The following SSC4D variants were observed in gnomAD, a reference collection of about 807,000 sequenced individuals.
SSC4D encodes scavenger receptor cysteine rich family member with 4 domains.
SSC4D carries 57 observed loss-of-function variants against 63.4 expected under a neutral mutation model. The observed-to-expected ratio is 0.90, with a 90% CI of 0.73 to 1.12. The LOEUF (loss-of-function observed/expected upper bound fraction) is 1.12. SSC4D is among the 50% of genes most tolerant of loss of function. SSC4D has a pLI of 0.00. For synonymous variants in SSC4D, 352 were observed against 345.4 expected (o/e 1.02, Z -0.21); for missense variants, 791 against 806.4 (o/e 0.98, Z 0.23).
chr7:76,405,881 T>C (rs1805008836), intron 1 of SSC4D, among the ~76,000 whole-genome samples: 1 of 152,208 alleles, frequency 6.6e-6, no homozygotes, highest in Non-Finnish European at 1.5e-5. Context: ...TTGTTTTCTT[T>C]CTTTCCTTCC....
intron 4 of SSC4D, 123 bp from the exon 5 acceptor site, chr7:76,398,920 A>G: frequency 1.1e-6 from 1 of 945,986 alleles, no homozygotes; most frequent in Non-Finnish European, 1.6e-6. Context: ...GGCCACACAA[A>G]GAGTCACAGC....
At chr7:76,393,745 G>GGGGCT in intron 8 of SSC4D, 29 bp from the exon 9 acceptor site, 2 of 1,408,560 alleles carry the variant, frequency 1.4e-6, no homozygotes, top group Non-Finnish European at 1.8e-6. Context: ...CGCGGCCAGA[G>GGGGCT]GGGCTGGGCT....
In SSC4D at chr7:76,391,920, A is replaced by C. The variant is rs1422740032; in HGVS notation, c.1411+44T>G. The C allele has an allele frequency of 3.9e-6, 6 of 1,551,478 alleles. No individual in the cohort carries two copies. The African/African-American group carries it at 4.1e-5, about 11-fold the overall frequency. ...ACCTCCCCCAATCCAGGTCCTTAAG[A>C]CCCCGATGCCTCCACCCACTTTCAG... On this transcript the variant is annotated intron_variant, in intron 10 of 10. Transcript: ENST00000275560.
chr7:76,391,650 C>T (rs970258180), intron 10 of SSC4D, among the ~76,000 whole-genome samples: 13 of 152,112 alleles, frequency 8.5e-5, no homozygotes, highest in Admixed American at 1.3e-4. Context: ...AAGGTCATCA[C>T]GGTCTCCTGC....
chr7:76,393,114 G>C (rs1025640975), intron 9 of SSC4D, among the ~76,000 whole-genome samples: 2 of 152,170 alleles, frequency 1.3e-5, no homozygotes, highest in Non-Finnish European at 2.9e-5. Flanking sequence ...TGCCTTTCTC[G>C]AACTGGGATC....
chr7:76,404,190 T>C (rs984123723), intron 2 of SSC4D, 117 bp downstream of exon 2: 109 of 1,380,596 alleles, frequency 7.9e-5, no homozygotes, highest in Non-Finnish European at 1.0e-4. Context: ...AAGGTCAGCA[T>C]TGGAAAGAAC....
intron 10 of SSC4D, among the ~76,000 whole-genome samples, chr7:76,391,757 C>T (rs2115735882): frequency 6.6e-6 from 1 of 152,260 alleles, no homozygotes; most frequent in South Asian, 2.1e-4. Flanking sequence ...CTCTAGAAAT[C>T]TCCAGATTGC....
chr7:76,398,762 A>T lies in SSC4D; in HGVS notation c.511T>A (p.Leu171Ile). The T allele has an allele frequency of 6.2e-7, 1 of 1,613,470 alleles. No homozygotes were observed. The highest frequency in any genetic ancestry group is 1.7e-5 in the Admixed American group (1 of 59,992). The change falls in exon 5 of 11, where the codon TTA (leucine) becomes ATA (isoleucine). Residue 171 changes from leucine to isoleucine, a missense_variant. By Grantham distance (5) the Leu-to-Ile change is conservative (BLOSUM62 2). Transcript: ENST00000275560. ...LPTQPPTRKM[L>I]TSRAPPTTLP... ...GTCGTAGGAGGTGCTCTACTGGTTA[A>T]CATCTTCCTTGTTGGGGGCTGCGTT... is the stretch of plus-strand genomic sequence containing the variant.
chr7:76,403,673 T>C (rs1446582113), intron 2 of SSC4D, among the ~76,000 whole-genome samples: 1 of 150,142 alleles, frequency 6.7e-6, no homozygotes, highest in Non-Finnish European at 1.5e-5. Context: ...TATCTTTATT[T>C]CTTTTTGAGA....
chr7:76,408,866 G>A (rs564653621), intron 1 of SSC4D, among the ~76,000 whole-genome samples: 4 of 152,276 alleles, frequency 2.6e-5, no homozygotes, highest in Admixed American at 2.0e-4. Flanking sequence ...ATTTTCTACA[G>A]TACAGCCGGC....
intron 1 of SSC4D, among the ~76,000 whole-genome samples, chr7:76,407,599 G>T (rs1362250729): frequency 6.6e-6 from 1 of 152,132 alleles, no homozygotes; most frequent in Non-Finnish European, 1.5e-5. Flanking sequence ...TGGGCATGGT[G>T]GTGCATGCCT....
chr7:76,398,633 G>A (rs1804717248), intron 5 of SSC4D, 87 bp downstream of exon 5: 1 of 1,409,466 alleles, frequency 7.1e-7, no homozygotes, highest in South Asian at 1.2e-5. Context: ...TCTTCAATTT[G>A]TAATCCCTGT....
rs938177086 is a variant in SSC4D, at chr7:76,400,573, C to G, written c.188G>C (p.Gly63Ala). ...LPFQELRLVG[G>A]PSRCRGRLEV... ...CAGGCGGCCCCGGCAGCGGCTGGGGCCCCCCACCAGCCTCAGCTCTGTGAA... is the reference window on the plus strand; with the variant it reads ...CAGGCGGCCCCGGCAGCGGCTGGGGGCCCCCACCAGCCTCAGCTCTGTGAA... Residue 63 changes from glycine to alanine, a missense_variant, in exon 4 of 11, where the codon GGC becomes GCC. Gly to Ala is a moderately conservative substitution (Grantham distance 60, BLOSUM62 0). Coordinates refer to ENST00000275560, the MANE Select transcript of SSC4D (RefSeq NM_080744.2). 2.0e-6 allele frequency: 3 copies of G among 1,480,766 alleles called. No homozygotes were observed. Among genetic ancestry groups the G allele is most frequent in the Admixed American group, 4.8e-5 (2 of 41,658 alleles). 91.7% of individuals were successfully genotyped at this position (1,480,766 alleles called of 1,614,324 possible). A position where few individuals can be genotyped will look rare whatever the true frequency, so the allele number is the denominator to read the frequency against.
intron 1 of SSC4D, among the ~76,000 whole-genome samples, chr7:76,408,809 G>A (rs900295835): frequency 7.2e-5 from 11 of 152,112 alleles, no homozygotes; most frequent in Non-Finnish European, 2.9e-5. Context: ...GCTCTTGAAA[G>A]CCCTCCCATC....
chr7:76,390,075 AGGACACT>A lies in SSC4D; in HGVS notation c.1705_1711del (p.Ser569CysfsTer20). ...CGGGCTGGGTCATGAAGGCTGGCACAGGACACTGGCATCCTCGCTGTGGTCACAGTTG... is the reference window on the plus strand; with the variant it reads ...CGGGCTGGGTCATGAAGGCTGGCACAGGCATCCTCGCTGTGGTCACAGTTG... On this transcript the variant is annotated frameshift_variant, in exon 11 of 11. Coordinates refer to ENST00000275560, the MANE Select transcript of SSC4D (RefSeq NM_080744.2). LOFTEE classifies it high-confidence loss of function. 1 of 1,614,248 alleles carries A rather than the reference AGGACACT, an allele frequency of 6.2e-7. No homozygotes were observed. Among genetic ancestry groups the A allele is most frequent in the Non-Finnish European group, 8.5e-7 (1 of 1,180,044 alleles).
At position 76,395,340 on chromosome 7, in the gene SSC4D, G is replaced by C. The variant is rs768443256; in HGVS notation, c.869-10C>G. ...GTTGGGGGACCCAGGCCTAGGGCAG[G>C]AGAGAAGGGGGCAGGGTCAGAGGCT... On this transcript the variant is annotated splice_polypyrimidine_tract_variant and intron_variant, in intron 6 of 10. Coordinates refer to ENST00000275560, the MANE Select transcript of SSC4D (RefSeq NM_080744.2). 6.2e-7 allele frequency: 1 copy of C among 1,613,796 alleles called. No individual in the cohort carries two copies. The highest frequency in any genetic ancestry group is 8.5e-7 in the Non-Finnish European group (1 of 1,179,898).
chr7:76,393,801 C>A (rs780528951), intron 8 of SSC4D, 29 bp downstream of exon 8: 1 of 1,418,048 alleles, frequency 7.1e-7, no homozygotes, highest in South Asian at 1.2e-5. Flanking sequence ...CCTTCCCCAT[C>A]CCCCGCAGAC....
intron 1 of SSC4D, among the ~76,000 whole-genome samples, chr7:76,405,354 T>TCTTTC: frequency 4.4e-5 from 5 of 113,884 alleles, no homozygotes; most frequent in African/African-American, 1.3e-4. Context: ...TTTTTTTTTT[T>TCTTTC]TTTTTTTGGT....
At chr7:76,392,666 C>T (rs541316448) in intron 9 of SSC4D, among the ~76,000 whole-genome samples, 36 of 152,040 alleles carry the variant, frequency 2.4e-4, no homozygotes, top group Non-Finnish European at 4.4e-4. Flanking sequence ...TGGCATGCCC[C>T]TTGTGGTCCC....
Sources: gnomAD v4.1 joint callset for allele counts (sites outside exome capture counted in the v4.1 genomes callset) on GRCh38, gnomAD v4.1.1 for gene constraint, MANE v1.5 for transcripts, NCBI Gene and HGNC (gene_info 2026-07-23, HGNC 2026-07-21) for gene names.